Variants in CCNL1 observed in about 807,000 individuals in gnomAD.
The protein encoded by CCNL1 is cyclin-L1.
Under a neutral mutation model 60.6 loss-of-function variants are expected in CCNL1, and 13 were observed. The observed-to-expected ratio is 0.21, with a 90% CI of 0.14 to 0.34. The LOEUF is 0.34. Among genes scored for constraint, CCNL1 ranks in the 10% least tolerant of loss-of-function variants. The pLI, the probability that CCNL1 is intolerant of heterozygous loss-of-function variation, is 1.00. For missense variants in CCNL1, 481 were observed against 664.3 expected, an observed-to-expected ratio of 0.72 and a Z score of 3.03; for synonymous variants, 270 against 244.3, an observed-to-expected ratio of 1.10 and a Z score of -0.98.
chr3:157,146,609 TAAAAAAAAA>T (rs67249134), downstream of CCNL1: 17 of 276,572 alleles, frequency 6.1e-5, 1 homozygote, highest in South Asian at 3.5e-4. Context: ...ACCTCGTCTC[TAAAAAAAAA>T]AAAAAAAAAG....
intron 2 of CCNL1, 141 bp from the exon 3 acceptor site, chr3:157,159,116 C>CTA (rs1738854318): frequency 1.5e-6 from 1 of 645,978 alleles, no homozygotes; most frequent in South Asian, 1.9e-5. Flanking sequence ...TATGCTAGTA[C>CTA]TATACTTTTT....
intron 5 of CCNL1, 130 bp downstream of exon 5, chr3:157,152,047 A>C: frequency 1.3e-6 from 2 of 1,490,202 alleles, no homozygotes; most frequent in Non-Finnish European, 1.8e-6. Context: ...TTGGTTAAAA[A>C]AACAAAACAA....
intron 10 of CCNL1, chr3:157,149,079 C>CA: frequency 3.6e-6 from 2 of 560,966 alleles, no homozygotes; most frequent in Non-Finnish European, 6.3e-6. Flanking sequence ...TACACTTCTC[C>CA]AAAAAACATG....
intron 1 of CCNL1, 49 bp downstream of exon 1, chr3:157,159,743 C>A (rs1738932285): frequency 7.0e-7 from 1 of 1,430,548 alleles, no homozygotes; most frequent in Non-Finnish European, 9.4e-7. Flanking sequence ...GCGTAGGGGA[C>A]GGAGGAGAGG....
rs906495278 is a variant in CCNL1 at position 157,159,328 on chromosome 3, G to A, written c.378+77C>T. 4 of 1,353,630 alleles carry A rather than the reference G, an allele frequency of 3.0e-6. No individual in the cohort carries two copies. The Admixed American group carries it at 7.3e-5, about 25-fold the overall frequency. The allele number at this position is 1,353,630 out of a possible 1,614,324, so 83.9% of individuals were successfully genotyped here. A position where few individuals can be genotyped will look rare whatever the true frequency, so the allele number is the denominator to read the frequency against. ...ACTAAACCACTCCCTTTCTGGAAAAGCTGGCTGCTGACACTACCCCTACTC... is the reference window on the plus strand; with the variant it reads ...ACTAAACCACTCCCTTTCTGGAAAAACTGGCTGCTGACACTACCCCTACTC... On this transcript the variant is annotated intron_variant, in intron 2 of 10. Transcript: ENST00000295926.
intron 5 of CCNL1, chr3:157,151,407 C>G: frequency 1.0e-6 from 1 of 985,828 alleles, no homozygotes; most frequent in South Asian, 4.7e-5. Context: ...TCAAGAAGTC[C>G]AAGTGCTAAA....
rs1431845325 is a variant in CCNL1 at position 157,147,690 on chromosome 3, A to G, written c.*551T>C. ...AATTGCATTTTAATAATCTCAAACT[A>G]CCATCTAATGGAGGAAAGAATAAGT... On this transcript the variant is annotated 3_prime_UTR_variant, in exon 11 of 11. Coordinates refer to ENST00000295926, the MANE Select transcript of CCNL1 (RefSeq NM_020307.4). The G allele has an allele frequency of 3.0e-6, 3 of 985,022 alleles. No homozygotes were observed. The highest frequency in any genetic ancestry group is 3.6e-6 in the Non-Finnish European group (3 of 829,652). The allele number at this position is 985,022 out of a possible 1,614,324, so 61.0% of individuals were successfully genotyped here.
At chr3:157,159,075 G>C (rs1008181527) in intron 2 of CCNL1, 100 bp from the exon 3 acceptor site, 1 of 775,966 alleles carries the variant, frequency 1.3e-6, no homozygotes, top group Non-Finnish European at 2.2e-6. Context: ...TAAAATTAGA[G>C]AAGACATCTC....
At chr3:157,153,501 C>CA (rs1469485876) in intron 3 of CCNL1, 1 of 180,948 alleles carries the variant, frequency 5.5e-6, no homozygotes, top group Non-Finnish European at 1.2e-5. Flanking sequence ...TCACAAACCT[C>CA]AAAGTCTCTC....
Position 157,153,107 on chromosome 3 carries a change from G to A in CCNL1, c.538C>T (p.Gln180Ter). 6.2e-7 allele frequency: 1 copy of A among 1,613,582 alleles called. No homozygotes were observed. The highest frequency in any genetic ancestry group is 8.5e-7 in the Non-Finnish European group (1 of 1,179,652). ...LDQNYINTKN[Q>*]VIKAERRVLK... Reference sequence around the variant, plus strand: ...ACCCTCCTCTCTGCTTTGATAACTTGATTTTTGGTGTTAATGTAGTTCTGA... The same window carrying A: ...ACCCTCCTCTCTGCTTTGATAACTTAATTTTTGGTGTTAATGTAGTTCTGA... The change falls in exon 4 of 11, where the codon CAA becomes TAA. Residue 180 changes from glutamine (Q) to a stop codon, truncating the protein, a stop_gained. Transcript: ENST00000295926. LOFTEE classifies it high-confidence loss of function.
intron 3 of CCNL1, chr3:157,154,188 AT>A (rs1241242107): frequency 9.9e-5 from 15 of 152,208 alleles, no homozygotes; most frequent in African/African-American, 3.4e-4. Context: ...ATAAAAGACA[AT>A]CTTATTTATG....
In CCNL1 at chr3:157,159,450, A is replaced by G; in HGVS notation, c.333T>C (p.Phe111=). The change falls in exon 2 of 11, where the codon TTT becomes TTC. Residue 111 remains phenylalanine (F), a synonymous_variant. Transcript: ENST00000295926. ...AAGATTTGGAGTAGAAAAAACGATG[A>G]AACAACACCTGCCCCGTTGCCATCG... ...QVAMATGQVL[F]HRFFYSKSFV... The G allele has an allele frequency of 6.2e-7, 1 of 1,614,018 alleles. No individual in the cohort carries two copies. The highest frequency in any genetic ancestry group is 1.1e-5 in the South Asian group (1 of 91,072).
intron 5 of CCNL1, chr3:157,151,273 T>C: frequency 1.0e-6 from 1 of 985,564 alleles, no homozygotes; most frequent in South Asian, 4.7e-5. Flanking sequence ...AAGCCCAGAA[T>C]ATAAAAATTA....
intron 5 of CCNL1, 186 bp from the exon 6 acceptor site, chr3:157,150,567 G>T: frequency 7.5e-7 from 1 of 1,324,522 alleles, no homozygotes; most frequent in Non-Finnish European, 9.7e-7. Flanking sequence ...TTAATACTAG[G>T]ACCATATGCG....
chr3:157,158,462 A>T (rs1297764056), intron 3 of CCNL1, among the ~76,000 whole-genome samples: 1 of 152,248 alleles, frequency 6.6e-6, no homozygotes, highest in East Asian at 1.9e-4. Context: ...AACATAATCT[A>T]CACAGAACTT....
chr3:157,157,820 G>A (rs1468719092), intron 3 of CCNL1, among the ~76,000 whole-genome samples: 2 of 152,192 alleles, frequency 1.3e-5, no homozygotes, highest in African/African-American at 4.8e-5. Flanking sequence ...TCATCTTAAA[G>A]TTGCTTTAAT....
rs1738242468 is a variant in CCNL1, at chr3:157,152,161, T to TA, written c.674+15dup. The TA allele has an allele frequency of 1.2e-6, 2 of 1,607,218 alleles. No homozygotes were observed. The highest frequency in any genetic ancestry group is 1.7e-6 in the Non-Finnish European group (2 of 1,178,086). On this transcript the variant is annotated intron_variant, in intron 5 of 10. Coordinates refer to ENST00000295926, the MANE Select transcript of CCNL1 (RefSeq NM_020307.4). The stretch of plus-strand genomic sequence containing the variant: ...TGTTTTCCTGGCTAGGAAAGAAATC[T>TA]AAAAAAGTGACTTACCAGGCAGTTT...
rs757157345 is a variant in CCNL1 at position 157,150,124 on chromosome 3, T to C, written c.820A>G (p.Thr274Ala). 5 of 1,613,258 alleles carry C rather than the reference T, an allele frequency of 3.1e-6. No individual in the cohort carries two copies. The highest frequency in any genetic ancestry group is 1.1e-5 in the South Asian group (1 of 90,942). ...CAGATTTCCTGGATTTCCTCTTCTG[T>C]AGTACCAAAAAGAAGAAACCAATGG... ...RPHWFLLFGTTEEEIQEICIE... is the reference protein window; with the variant it reads ...RPHWFLLFGTAEEEIQEICIE... The change falls in exon 7 of 11, where the codon ACA becomes GCA. Residue 274 changes from threonine (T) to alanine (A), a missense_variant. This residue lies in a region of CCNL1 where 75 missense variants were observed against 129.6 expected (regional missense o/e 0.58). Transcript: ENST00000295926.
chr3:157,154,078 A>G (rs1738405503), intron 3 of CCNL1: 1 of 152,224 alleles, frequency 6.6e-6, no homozygotes, highest in Non-Finnish European at 1.5e-5. Context: ...AGAAGTTTCT[A>G]TAATACAGAA....
Sources: gnomAD v4.1 joint callset for allele counts (sites outside exome capture counted in the v4.1 genomes callset) on GRCh38, gnomAD v4.1.1 for gene constraint, gnomAD v4.1.1 regional missense constraint, MANE v1.5 for transcripts, NCBI Gene and HGNC (gene_info 2026-07-23, HGNC 2026-07-21) for gene names.